HSF2BP: variants seen among roughly 807,000 people sequenced by gnomAD.
The protein encoded by HSF2BP is heat shock factor 2-binding protein.
A neutral mutation model predicts 35.0 loss-of-function variants in HSF2BP; 35 were observed. The ratio of observed to expected loss-of-function variants is 1.00; its 90% confidence interval spans 0.76 to 1.32. The LOEUF (loss-of-function observed/expected upper bound fraction) is 1.32, where lower values mean the gene tolerates loss of function less well. Among genes scored for constraint, HSF2BP ranks in the 40% most tolerant of loss-of-function variants. The pLI is 0.00. For missense variants in HSF2BP, 326 were observed against 321.7 expected, an observed-to-expected ratio of 1.01 and a Z score of -0.10; for synonymous variants, 114 against 117.4, an observed-to-expected ratio of 0.97 and a Z score of 0.18.
At chr21:43,620,376 A>G (rs1279759072) in intron 6 of HSF2BP, among the ~76,000 whole-genome samples, 1 of 152,222 alleles carries the variant, frequency 6.6e-6, no homozygotes, top group Admixed American at 6.5e-5. Context: ...AATTTGTCAG[A>G]GAAATTTAAT....
chr21:43,630,831 A>C (rs982711644), intron 5 of HSF2BP, among the ~76,000 whole-genome samples: 1 of 152,180 alleles, frequency 6.6e-6, no homozygotes, highest in African/African-American at 2.4e-5. Context: ...AAAAAAAAAA[A>C]TCTTAATGAA....
At position 43,625,488 on chromosome 21, in the gene HSF2BP, C is replaced by T. The variant is rs935734719; in HGVS notation, c.574+4834G>A. Among the ~76,000 whole-genome samples the T allele has an allele frequency of 4.6e-5, 7 of 151,788 alleles. 1 individual carries two copies. The highest frequency in any genetic ancestry group is 4.6e-4 in the Admixed American group (7 of 15,224). On this transcript the variant is annotated intron_variant, in intron 6 of 8. Coordinates refer to ENST00000291560, the MANE Select transcript of HSF2BP (RefSeq NM_007031.2). ...AGTCTGGGGGAAGGAATTAGTTCCA[C>T]AACCTAATTGTGGTGGGTAAATGAC...
At chr21:43,595,892 T>C (rs1233787662) in intron 7 of HSF2BP, among the ~76,000 whole-genome samples, 2 of 151,578 alleles carry the variant, frequency 1.3e-5, no homozygotes, top group East Asian at 1.9e-4. Flanking sequence ...ACCCAGCTAA[T>C]TGTTGTATTT....
chr21:43,594,639 C>T (rs1350028693), intron 7 of HSF2BP, among the ~76,000 whole-genome samples: 11 of 150,192 alleles, frequency 7.3e-5, no homozygotes, highest in Non-Finnish European at 3.0e-5. Flanking sequence ...CAGAGTAAGA[C>T]CCTGTTGAAA....
In HSF2BP at chr21:43,654,406, C is replaced by A. The variant is rs146298558; in HGVS notation, c.187+2181G>T. ...CGTTGTAGTTTTCAAGGAAACGGGA[C>A]CTGGGTCCGCTTCGCAGTCAGACTT... is the stretch of plus-strand genomic sequence containing the variant. On this transcript the variant is annotated intron_variant, in intron 3 of 8. Transcript: ENST00000291560. Among the ~76,000 whole-genome samples, 53 of 152,338 alleles carry A rather than the reference C, an allele frequency of 3.5e-4. No homozygotes were observed. The South Asian group carries it at 8.7e-3, about 25-fold the overall frequency.
chr21:43,658,593 A>G (rs917494186), intron 1 of HSF2BP, among the ~76,000 whole-genome samples: 1 of 152,206 alleles, frequency 6.6e-6, no homozygotes, highest in East Asian at 1.9e-4. Context: ...GTGTGGAGTG[A>G]CCTAGTCCAT....
chr21:43,583,658 C>A (rs2081798015), intron 8 of HSF2BP, among the ~76,000 whole-genome samples: 1 of 135,146 alleles, frequency 7.4e-6, no homozygotes, highest in African/African-American at 2.9e-5. Flanking sequence ...GAAGGACCTG[C>A]TGAGGGAGAT....
intron 7 of HSF2BP, among the ~76,000 whole-genome samples, chr21:43,611,325 A>G (rs2082201674): frequency 6.6e-6 from 1 of 152,234 alleles, no homozygotes; most frequent in Non-Finnish European, 1.5e-5. Flanking sequence ...AGCACAAAAT[A>G]TTAAAATGGA....
intron 3 of HSF2BP, among the ~76,000 whole-genome samples, chr21:43,650,042 T>A (rs868118533): frequency 1.3e-5 from 2 of 152,200 alleles, no homozygotes; most frequent in Non-Finnish European, 2.9e-5. Context: ...AAAGTGATCA[T>A]CCAAGTACCT....
chr21:43,651,792 TCTC>T (rs986530422), intron 3 of HSF2BP, among the ~76,000 whole-genome samples: 4 of 152,146 alleles, frequency 2.6e-5, no homozygotes, highest in South Asian at 2.1e-4. Flanking sequence ...TATCTCCCCT[TCTC>T]CTCCTAACAA....
chr21:43,577,629 G>A (rs1385853125), intron 8 of HSF2BP, among the ~76,000 whole-genome samples: 1 of 152,172 alleles, frequency 6.6e-6, no homozygotes, highest in African/African-American at 2.4e-5. Flanking sequence ...TAGCTACTCA[G>A]GTCATGTGCC....
intron 3 of HSF2BP, among the ~76,000 whole-genome samples, chr21:43,653,101 C>T (rs1420769913): frequency 6.6e-6 from 1 of 151,328 alleles, no homozygotes; most frequent in African/African-American, 2.4e-5. Flanking sequence ...TGAGATCATG[C>T]CACTGCACTC....
the HSF2BP span, among the ~76,000 whole-genome samples, chr21:43,506,809 AG>A: frequency 4.7e-5 from 5 of 106,408 alleles, 1 homozygote; most frequent in Non-Finnish European, 1.1e-4. Context: ...CAGGCCCCCG[AG>A]GCACACAGAC....
chr21:43,581,291 C>T (rs1260982889), intron 8 of HSF2BP, among the ~76,000 whole-genome samples: 1 of 151,344 alleles, frequency 6.6e-6, no homozygotes, highest in Non-Finnish European at 1.5e-5. Flanking sequence ...GAGGCTGAGG[C>T]AGAAGAATGG....
intron 8 of HSF2BP, among the ~76,000 whole-genome samples, chr21:43,579,648 T>C (rs146026391): frequency 6.6e-6 from 1 of 152,306 alleles, no homozygotes; most frequent in Non-Finnish European, 1.5e-5. Context: ...CCCCTCTTTC[T>C]TCTCTGCTCA....
chr21:43,657,791 C>G, intron 2 of HSF2BP: 1 of 963,946 alleles, frequency 1.0e-6, no homozygotes, highest in Non-Finnish European at 1.2e-6. Flanking sequence ...ATCCATCCCA[C>G]GCTCCCATGC....
chr21:43,633,939 A>G (rs1422381292), intron 4 of HSF2BP, among the ~76,000 whole-genome samples: 1 of 152,258 alleles, frequency 6.6e-6, no homozygotes, highest in Non-Finnish European at 1.5e-5. Context: ...CTCATCCTGT[A>G]TAAACGTATC....
intron 4 of HSF2BP, among the ~76,000 whole-genome samples, chr21:43,641,915 C>A (rs1377761174): frequency 9.6e-3 from 1,090 of 113,504 alleles, no homozygotes; most frequent in South Asian, 0.011. Flanking sequence ...GACTCTGTCT[C>A]AAAAAAAAAA....
intron 8 of HSF2BP, among the ~76,000 whole-genome samples, chr21:43,588,432 G>A (rs563470954): frequency 6.6e-6 from 1 of 152,022 alleles, no homozygotes; most frequent in African/African-American, 2.4e-5. Context: ...GCTTCCACCC[G>A]AGACATGTCC....
Sources: gnomAD v4.1 joint callset for allele counts (sites outside exome capture counted in the v4.1 genomes callset) on GRCh38, gnomAD v4.1.1 for gene constraint, MANE v1.5 for transcripts, NCBI Gene and HGNC (gene_info 2026-07-23, HGNC 2026-07-21) for gene names.